Variants in CAMK4 observed in about 807,000 individuals in gnomAD.
CAMK4 encodes calcium/calmodulin-dependent protein kinase type IV.
A neutral mutation model predicts 44.9 loss-of-function variants in CAMK4; 22 were observed. That is an observed-to-expected ratio of 0.49 (90% CI 0.35 to 0.70). CAMK4 has a LOEUF of 0.70. Ranked by LOEUF, CAMK4 falls within the 30% of genes least tolerant of loss-of-function variation. The pLI, the probability that CAMK4 is intolerant of heterozygous loss-of-function variation, is 0.01. For missense variants in CAMK4, 498 were observed against 586.8 expected (o/e 0.85, Z 1.56); for synonymous variants, 218 against 215.4 (o/e 1.01, Z -0.11).
At chr5:111,430,265 C>T (rs1580742584) in intron 5 of CAMK4, among the ~76,000 whole-genome samples, 1 of 152,246 alleles carries the variant, frequency 6.6e-6, no homozygotes, top group East Asian at 1.9e-4. Context: ...TAAAATTCAA[C>T]CTCCTTTCAT....
chr5:111,487,648 CTTTATT>C lies in CAMK4; in HGVS notation c.*3188_*3193del, dbSNP rs1755678519. On this transcript the variant is annotated 3_prime_UTR_variant, in exon 11 of 11. Coordinates refer to ENST00000282356, the MANE Select transcript of CAMK4 (RefSeq NM_001744.6). ...AAAATTTAATGTGATATTTTGAATTCTTTATTTTTATACTGTTTTCAAAATCAAGAG... is the reference window on the plus strand; with the variant it reads ...AAAATTTAATGTGATATTTTGAATTCTTTATACTGTTTTCAAAATCAAGAG... 1.3e-5 allele frequency: 2 copies of C among 152,128 alleles called. No individual in the cohort carries two copies. The highest frequency in any genetic ancestry group is 4.1e-4 in the South Asian group (2 of 4,820). The allele number at this position is 152,128 out of a possible 1,614,324, so 9.4% of individuals were successfully genotyped here. A position where few individuals can be genotyped will look rare whatever the true frequency, so the allele number is the denominator to read the frequency against.
At chr5:111,361,016 A>G (rs1018815072) in intron 2 of CAMK4, among the ~76,000 whole-genome samples, 6 of 152,052 alleles carry the variant, frequency 3.9e-5, no homozygotes, top group Non-Finnish European at 2.9e-5. Flanking sequence ...TAGAAGAACC[A>G]TGTGAGAGCC....
At chr5:111,418,327 A>T (rs1249580324) in intron 5 of CAMK4, among the ~76,000 whole-genome samples, 1 of 152,200 alleles carries the variant, frequency 6.6e-6, no homozygotes, top group Admixed American at 6.5e-5. Flanking sequence ...GTAATAGAAT[A>T]TCACAAGGCA....
chr5:111,424,679 C>T (rs866251787), intron 5 of CAMK4, among the ~76,000 whole-genome samples: 4 of 151,674 alleles, frequency 2.6e-5, no homozygotes, highest in Admixed American at 2.0e-4. Context: ...GATCTCCTGA[C>T]CTTGCGATCC....
At chr5:111,318,733 G>T (rs1748538012) in intron 1 of CAMK4, among the ~76,000 whole-genome samples, 1 of 152,096 alleles carries the variant, frequency 6.6e-6, no homozygotes, top group African/African-American at 2.4e-5. Context: ...GACAGAATTG[G>T]CTATGACTCC....
At chr5:111,265,630 G>A (rs998705389) in intron 1 of CAMK4, among the ~76,000 whole-genome samples, 1 of 152,162 alleles carries the variant, frequency 6.6e-6, no homozygotes, top group Non-Finnish European at 1.5e-5. Flanking sequence ...GCACATGAGA[G>A]TAAGATATTT....
intron 9 of CAMK4, 137 bp downstream of exon 9, chr5:111,478,644 T>C (rs1370335105): frequency 2.2e-6 from 1 of 463,084 alleles, no homozygotes; most frequent in East Asian, 3.5e-5. Flanking sequence ...TTAATAAAAT[T>C]AGTTCATTAA....
At chr5:111,314,379 A>G (rs955503374) in intron 1 of CAMK4, among the ~76,000 whole-genome samples, 3 of 152,104 alleles carry the variant, frequency 2.0e-5, no homozygotes, top group Non-Finnish European at 2.9e-5. Flanking sequence ...ATGGATCTGC[A>G]AATCTGTTTA....
intron 7 of CAMK4, among the ~76,000 whole-genome samples, chr5:111,471,918 G>C (rs1325378846): frequency 1.4e-5 from 2 of 144,210 alleles, no homozygotes; most frequent in Non-Finnish European, 3.1e-5. Context: ...TTTATTTTTT[G>C]AGACAGAGTC....
intron 5 of CAMK4, among the ~76,000 whole-genome samples, chr5:111,399,447 T>G (rs1352892018): frequency 1.3e-5 from 2 of 152,216 alleles, no homozygotes; most frequent in Non-Finnish European, 2.9e-5. Context: ...TTATTTAAAA[T>G]TGAACAGTAT....
chr5:111,369,835 G>A (rs1750936752), intron 2 of CAMK4, among the ~76,000 whole-genome samples: 1 of 152,100 alleles, frequency 6.6e-6, no homozygotes, highest in South Asian at 2.1e-4. Context: ...TAAATGCTAT[G>A]TAAACAGTTG....
intron 1 of CAMK4, among the ~76,000 whole-genome samples, chr5:111,252,231 G>A (rs1380384976): frequency 6.6e-6 from 1 of 152,136 alleles, no homozygotes; most frequent in Admixed American, 6.5e-5. Context: ...ACTTGTCTTG[G>A]CTTCTTCAGC....
intron 1 of CAMK4, among the ~76,000 whole-genome samples, chr5:111,309,710 C>T (rs1292642377): frequency 6.6e-6 from 1 of 152,110 alleles, no homozygotes; most frequent in African/African-American, 2.4e-5. Flanking sequence ...CCTCCATGAC[C>T]ACCCTTTAAC....
chr5:111,432,430 G>T (rs145359333), intron 5 of CAMK4, among the ~76,000 whole-genome samples: 2,050 of 151,716 alleles, frequency 0.014, 47 homozygotes, highest in African/African-American at 0.047. Flanking sequence ...AATGAATAAG[G>T]CCTACTATTT....
intron 5 of CAMK4, among the ~76,000 whole-genome samples, chr5:111,427,362 A>T (rs1024991732): frequency 6.6e-6 from 1 of 152,202 alleles, no homozygotes; most frequent in African/African-American, 2.4e-5. Flanking sequence ...ATACATGGGT[A>T]CTACGTCAAG....
chr5:111,396,240 T>C (rs1011883619), intron 5 of CAMK4, among the ~76,000 whole-genome samples: 7 of 152,228 alleles, frequency 4.6e-5, no homozygotes, highest in Non-Finnish European at 1.0e-4. Context: ...AAATTATTTA[T>C]TCCCCATAAA....
chr5:111,464,179 G>A (rs1754742708), intron 7 of CAMK4, among the ~76,000 whole-genome samples: 1 of 151,844 alleles, frequency 6.6e-6, no homozygotes, highest in African/African-American at 2.4e-5. Flanking sequence ...CACATTTAGA[G>A]AAATGCAAAA....
intron 8 of CAMK4, among the ~76,000 whole-genome samples, chr5:111,474,898 C>T (rs558193165): frequency 3.3e-5 from 5 of 152,296 alleles, no homozygotes; most frequent in African/African-American, 7.2e-5. Context: ...CACAGTGGCT[C>T]ACACCTGTAA....
intron 2 of CAMK4, among the ~76,000 whole-genome samples, chr5:111,350,547 C>G (rs558322777): frequency 2.8e-4 from 42 of 151,972 alleles, no homozygotes; most frequent in South Asian, 1.0e-3. Context: ...CCTATAATAC[C>G]TAGATTTAGA....
Sources: allele counts gnomAD v4.1 joint callset (sites outside exome capture counted in the v4.1 genomes callset), GRCh38; gene constraint gnomAD v4.1.1; transcripts MANE v1.5; gene names NCBI Gene and HGNC (gene_info 2026-07-23, HGNC 2026-07-21).